Variants in DOCK3 observed in about 807,000 individuals in gnomAD.
DOCK3 encodes the protein dedicator of cytokinesis protein 3.
DOCK3 carries 60 observed loss-of-function variants against 265.6 expected under a neutral mutation model. The observed-to-expected ratio is 0.23, with a 90% CI of 0.18 to 0.28. The LOEUF is 0.28. Ranked by LOEUF, DOCK3 falls within the 10% of genes least tolerant of loss-of-function variation. The pLI is 1.00. For synonymous variants in DOCK3, 881 were observed against 938.0 expected (o/e 0.94, Z 1.11); for missense variants, 1,981 against 2,594.3 (o/e 0.76, Z 5.14).
At chr3:51,087,124 A>G (rs1420024968) in intron 7 of DOCK3, among the ~76,000 whole-genome samples, 1 of 152,218 alleles carries the variant, frequency 6.6e-6, no homozygotes, top group Non-Finnish European at 1.5e-5. Flanking sequence ...AACTCATTCT[A>G]TGAGACCAGC....
chr3:50,777,286 TCTAA>T (rs2041661728), intron 1 of DOCK3, among the ~76,000 whole-genome samples: 1 of 152,188 alleles, frequency 6.6e-6, no homozygotes, highest in African/African-American at 2.4e-5. Flanking sequence ...TTTCCATTGG[TCTAA>T]CTGCTTATTT....
At chr3:51,274,371 A>G (rs2080693196) in intron 24 of DOCK3, among the ~76,000 whole-genome samples, 1 of 152,250 alleles carries the variant, frequency 6.6e-6, no homozygotes, top group Non-Finnish European at 1.5e-5. Context: ...GGGACAATCT[A>G]TAATCCATTT....
At chr3:51,227,858 G>A in intron 16 of DOCK3, 124 bp from the exon 17 acceptor site, 1 of 920,046 alleles carries the variant, frequency 1.1e-6, no homozygotes, top group Non-Finnish European at 1.7e-6. Flanking sequence ...CCTGCAGTCA[G>A]GTTGCCACCT....
At chr3:50,945,552 A>T (rs2076404970) in intron 5 of DOCK3, among the ~76,000 whole-genome samples, 1 of 152,190 alleles carries the variant, frequency 6.6e-6, no homozygotes. Context: ...AACAAGACAC[A>T]GTTCTCTGAA....
chr3:50,869,297 T>G (rs2047312185), intron 3 of DOCK3, among the ~76,000 whole-genome samples: 1 of 149,952 alleles, frequency 6.7e-6, no homozygotes, highest in Non-Finnish European at 1.5e-5. Flanking sequence ...TTTTCATTTT[T>G]TAAAATTGTT....
At chr3:51,345,689 G>T (rs2085518464) in intron 38 of DOCK3, among the ~76,000 whole-genome samples, 1 of 152,018 alleles carries the variant, frequency 6.6e-6, no homozygotes, top group African/African-American at 2.4e-5. Flanking sequence ...AACCTCTTTG[G>T]TTTGTTTTAG....
chr3:51,297,560 C>T (rs1008841913), intron 27 of DOCK3, among the ~76,000 whole-genome samples: 1 of 151,988 alleles, frequency 6.6e-6, no homozygotes, highest in Non-Finnish European at 1.5e-5. Context: ...GACACATAGC[C>T]AATATGCACA....
rs2089545719 is a variant in DOCK3, at chr3:51,212,186, A to C, written c.1127-1936A>C. 2.0e-5 allele frequency among the ~76,000 whole-genome samples: 3 copies of C among 152,154 alleles called. No individual in the cohort carries two copies. The South Asian group carries it at 6.2e-4, about 32-fold the overall frequency. On this transcript the variant is annotated intron_variant, in intron 13 of 52. Coordinates refer to ENST00000266037, the MANE Select transcript of DOCK3 (RefSeq NM_004947.5). ...CATTCTTTGCATGCCTTTTCATTTG[A>C]TCTCTTGCATAAACTTGAAGGCTTT...
intron 2 of DOCK3, among the ~76,000 whole-genome samples, chr3:50,838,558 C>G (rs1033442528): frequency 6.6e-6 from 1 of 152,124 alleles, no homozygotes; most frequent in Non-Finnish European, 1.5e-5. Context: ...GGGAGTTTCA[C>G]TTTCTTTGCT....
At chr3:50,940,260 T>G (rs1330900153) in intron 5 of DOCK3, among the ~76,000 whole-genome samples, 2 of 138,278 alleles carry the variant, frequency 1.4e-5, no homozygotes, top group East Asian at 4.2e-4. Flanking sequence ...GAGATCAGCC[T>G]GGGCAACATA....
chr3:51,267,261 G>A (rs565402285), intron 23 of DOCK3, among the ~76,000 whole-genome samples: 6 of 152,228 alleles, frequency 3.9e-5, no homozygotes, highest in Admixed American at 6.5e-5. Context: ...ACAGTGTGGT[G>A]ATTCCTCAAG....
chr3:51,108,057 G>A (rs1171972588), intron 9 of DOCK3, among the ~76,000 whole-genome samples: 1 of 124,688 alleles, frequency 8.0e-6, no homozygotes, highest in Non-Finnish European at 1.6e-5. Context: ...TTTTTTTTTT[G>A]AGACAGAGTC....
At chr3:51,312,675 G>T (rs549504958) in intron 30 of DOCK3, 99 bp downstream of exon 30, 17 of 1,327,962 alleles carry the variant, frequency 1.3e-5, no homozygotes, top group Non-Finnish European at 1.7e-5. Context: ...TCTCAGCTGG[G>T]TGGTTTCCCA....
intron 1 of DOCK3, among the ~76,000 whole-genome samples, chr3:50,761,091 T>TA (rs35581752): frequency 3.7e-4 from 55 of 150,022 alleles, no homozygotes; most frequent in African/African-American, 7.1e-4. Flanking sequence ...GATTCTTTAT[T>TA]AAAAAAAAAA....
chr3:50,885,148 G>T (rs2048262366), intron 3 of DOCK3, among the ~76,000 whole-genome samples: 1 of 152,150 alleles, frequency 6.6e-6, no homozygotes, highest in South Asian at 2.1e-4. Flanking sequence ...CATACAGTAT[G>T]TGGCCTTTCA....
At chr3:51,156,851 G>A (rs1486977710) in intron 10 of DOCK3, among the ~76,000 whole-genome samples, 1 of 152,118 alleles carries the variant, frequency 6.6e-6, no homozygotes, top group Non-Finnish European at 1.5e-5. Flanking sequence ...TTGATAGTTT[G>A]GATGTACACA....
chr3:50,724,786 G>A (rs1235658251), intron 1 of DOCK3, among the ~76,000 whole-genome samples: 1 of 152,092 alleles, frequency 6.6e-6, no homozygotes, highest in Non-Finnish European at 1.5e-5. Flanking sequence ...GTATACCTAT[G>A]TAGCAAACCT....
chr3:50,952,173 C>T (rs2076608112), intron 5 of DOCK3, among the ~76,000 whole-genome samples: 1 of 152,106 alleles, frequency 6.6e-6, no homozygotes, highest in Non-Finnish European at 1.5e-5. Context: ...GAGGCTTGCT[C>T]TCTAAATCTG....
At chr3:51,009,833 G>T (rs1172447822) in intron 5 of DOCK3, among the ~76,000 whole-genome samples, 2 of 152,106 alleles carry the variant, frequency 1.3e-5, no homozygotes, top group African/African-American at 4.8e-5. Context: ...GTTCTCTCTG[G>T]TTTCAAAGAA....
Sources: gnomAD v4.1 joint callset for allele counts (sites outside exome capture counted in the v4.1 genomes callset) on GRCh38, gnomAD v4.1.1 for gene constraint, MANE v1.5 for transcripts, NCBI Gene and HGNC (gene_info 2026-07-23, HGNC 2026-07-21) for gene names.